Variants in ATP9B observed in about 807,000 individuals in gnomAD.
ATP9B encodes ATPase phospholipid transporting 9B.
Under a neutral mutation model 146.1 loss-of-function variants are expected in ATP9B, and 110 were observed. The ratio of observed to expected loss-of-function variants is 0.75; its 90% CI spans 0.65 to 0.88. The LOEUF (loss-of-function observed/expected upper bound fraction) is 0.88, where lower values mean the gene tolerates loss of function less well. Among genes scored for constraint, ATP9B ranks in the 40% least tolerant of loss-of-function variants. The pLI is 0.00. For missense variants in ATP9B, 1,499 were observed against 1,496.4 expected, an observed-to-expected ratio of 1.00 and a Z score of -0.03; for synonymous variants, 604 against 569.7, an observed-to-expected ratio of 1.06 and a Z score of -0.86.
rs562076453 is a variant in ATP9B at position 79,377,316 on chromosome 18, C to T, written c.3377C>T (p.Pro1126Leu). Residue 1126 changes from proline to leucine, a missense_variant, in exon 30 of 30, where the codon CCG (proline) becomes CTG (leucine). Pro to Leu is a moderately conservative substitution (Grantham distance 98, BLOSUM62 -3). Transcript: ENST00000426216. ...GCGATCACCGTGGTCAGCTGCCTCC[C>T]GCTGTATGTCCTCAAGTACCTGAGG... ...VSAITVVSCL[P>L]LYVLKYLRRK... The T allele has an allele frequency of 1.9e-5, 30 of 1,612,378 alleles. No homozygotes were observed. Among genetic ancestry groups the T allele is most frequent in the South Asian group, 9.9e-5 (9 of 91,084 alleles).
At chr18:79,301,545 T>A (rs1319656402) in intron 13 of ATP9B, among the ~76,000 whole-genome samples, 1 of 152,256 alleles carries the variant, frequency 6.6e-6, no homozygotes, top group Non-Finnish European at 1.5e-5. Flanking sequence ...AGTCAGAGAC[T>A]GAATTGTTGC....
intron 25 of ATP9B, chr18:79,352,477 AAC>A (rs1234104511): frequency 6.6e-6 from 1 of 152,236 alleles, no homozygotes; most frequent in African/African-American, 2.4e-5. Context: ...AACACAAGAA[AAC>A]ACGTGAAACA....
intron 11 of ATP9B, among the ~76,000 whole-genome samples, chr18:79,236,894 C>T (rs28673927): frequency 0.036 from 3,411 of 95,476 alleles, 48 homozygotes; most frequent in Non-Finnish European, 0.051. Context: ...CCTGCCCCTT[C>T]CCCCTTCCCC....
chr18:79,238,750 C>T (rs1169624808), intron 11 of ATP9B, among the ~76,000 whole-genome samples: 1 of 152,212 alleles, frequency 6.6e-6, no homozygotes, highest in African/African-American at 2.4e-5. Context: ...GATTTTCCTC[C>T]TCCTCCTGCT....
chr18:79,171,719 G>A (rs1007872542), intron 7 of ATP9B, among the ~76,000 whole-genome samples: 8 of 152,172 alleles, frequency 5.3e-5, no homozygotes, highest in African/African-American at 1.2e-4. Context: ...TTGCACCACC[G>A]TGAGGATCTC....
chr18:79,191,809 C>G (rs2095369440), intron 8 of ATP9B, among the ~76,000 whole-genome samples: 1 of 152,186 alleles, frequency 6.6e-6, no homozygotes, highest in Non-Finnish European at 1.5e-5. Context: ...CTTCACTGAT[C>G]ATGTTCTTTC....
chr18:79,286,137 T>A (rs1286457093), intron 13 of ATP9B, among the ~76,000 whole-genome samples: 1 of 148,776 alleles, frequency 6.7e-6, no homozygotes, highest in African/African-American at 2.5e-5. Flanking sequence ...TAAAGTAGTT[T>A]TTTCCAATTC....
intron 11 of ATP9B, among the ~76,000 whole-genome samples, chr18:79,246,918 G>T (rs775593518): frequency 6.6e-6 from 1 of 152,194 alleles, no homozygotes; most frequent in Non-Finnish European, 1.5e-5. Context: ...TAGGAATGAT[G>T]TACATTAGAA....
Position 79,092,234 on chromosome 18 carries a change from T to C in ATP9B, c.120-4242T>C, listed in dbSNP as rs1483249862. Among the ~76,000 whole-genome samples, 4 of 152,254 alleles carry C rather than the reference T, an allele frequency of 2.6e-5. No individual in the cohort carries two copies. The South Asian group carries it at 6.2e-4, about 24-fold the overall frequency. The stretch of plus-strand genomic sequence containing the variant: ...TCATTGTTGTGCAGCCATCCTAGAG[T>C]GTACTCAAACAGACCAAGATGATAG... On this transcript the variant is annotated intron_variant, in intron 1 of 29. Coordinates refer to ENST00000426216, the MANE Select transcript of ATP9B (RefSeq NM_198531.5).
intron 25 of ATP9B, among the ~76,000 whole-genome samples, chr18:79,358,875 G>A (rs1239486527): frequency 5.8e-5 from 8 of 137,812 alleles, no homozygotes; most frequent in African/African-American, 2.2e-4. Flanking sequence ...GGGTCTGGAG[G>A]TGTCTGTGTG....
chr18:79,095,927 A>G (rs2146754436), intron 1 of ATP9B, among the ~76,000 whole-genome samples: 1 of 152,324 alleles, frequency 6.6e-6, no homozygotes, highest in East Asian at 1.9e-4. Context: ...ATTTTAGTGA[A>G]GAGAATAACA....
intron 9 of ATP9B, among the ~76,000 whole-genome samples, chr18:79,202,820 A>G (rs2095500760): frequency 6.6e-6 from 1 of 152,238 alleles, no homozygotes; most frequent in Non-Finnish European, 1.5e-5. Flanking sequence ...AGAAACATTC[A>G]TATGGAAAAA....
chr18:79,330,770 C>T (rs2096786105), intron 17 of ATP9B, among the ~76,000 whole-genome samples: 1 of 152,162 alleles, frequency 6.6e-6, no homozygotes, highest in Non-Finnish European at 1.5e-5. Flanking sequence ...GAGTGCGTGT[C>T]AATCTATACA....
intron 11 of ATP9B, among the ~76,000 whole-genome samples, chr18:79,220,099 A>T (rs1168678000): frequency 6.6e-6 from 1 of 152,120 alleles, no homozygotes; most frequent in African/African-American, 2.4e-5. Context: ...GTAAGCAGAG[A>T]AGGCAGGGAC....
intron 12 of ATP9B, among the ~76,000 whole-genome samples, chr18:79,258,710 T>C (rs2096110236): frequency 6.6e-6 from 1 of 152,220 alleles, no homozygotes; most frequent in African/African-American, 2.4e-5. Context: ...CAGTCATGCT[T>C]GGAGAGACTT....
intron 13 of ATP9B, among the ~76,000 whole-genome samples, chr18:79,300,324 G>T (rs1348578960): frequency 1.3e-5 from 2 of 152,168 alleles, no homozygotes; most frequent in African/African-American, 2.4e-5. Context: ...GGTCAGGCAT[G>T]TCACCTGGGT....
At chr18:79,292,720 G>A (rs2096518706) in intron 13 of ATP9B, among the ~76,000 whole-genome samples, 1 of 151,930 alleles carries the variant, frequency 6.6e-6, no homozygotes, top group Non-Finnish European at 1.5e-5. Context: ...CAGAGTGGGG[G>A]GTGGGTGAAA....
rs142312980 is a variant in ATP9B at position 79,210,638 on chromosome 18, C to T, written c.1031-3324C>T. Among the ~76,000 whole-genome samples, 633 of 152,310 alleles carry T rather than the reference C, an allele frequency of 4.2e-3. 3 individuals carry two copies. The highest frequency in any genetic ancestry group is 5.8e-3 in the Non-Finnish European group (396 of 68,026). On this transcript the variant is annotated intron_variant, in intron 10 of 29. Coordinates refer to ENST00000426216, the MANE Select transcript of ATP9B (RefSeq NM_198531.5). Reference sequence around the variant, plus strand: ...CACTTGGTGCGTGGTTGGAGTTGTACGTGCAGTGCTCAGTGTCTGCCTTGC... The same window carrying T: ...CACTTGGTGCGTGGTTGGAGTTGTATGTGCAGTGCTCAGTGTCTGCCTTGC...
At chr18:79,192,773 A>G (rs993375997) in intron 8 of ATP9B, among the ~76,000 whole-genome samples, 5 of 152,156 alleles carry the variant, frequency 3.3e-5, no homozygotes, top group Admixed American at 1.3e-4. Context: ...AAGCATGTAA[A>G]CAGATCTAGG....
Sources: gnomAD v4.1 joint callset for allele counts (sites outside exome capture counted in the v4.1 genomes callset) on GRCh38, gnomAD v4.1.1 for gene constraint, MANE v1.5 for transcripts, NCBI Gene and HGNC (gene_info 2026-07-23, HGNC 2026-07-21) for gene names.